DIP2B: variants seen among roughly 807,000 people sequenced by gnomAD.
DIP2B encodes the protein DIP2 acetate--CoA ligase B (putative).
DIP2B carries 76 observed loss-of-function variants against 198.0 expected under a neutral mutation model. The ratio of observed to expected loss-of-function variants is 0.38; its 90% CI spans 0.32 to 0.46. DIP2B has a LOEUF of 0.46. DIP2B is among the 20% of genes least tolerant of loss of function. The pLI, the probability that DIP2B is intolerant of heterozygous loss-of-function variation, is 0.99. For missense variants in DIP2B, 1,559 were observed against 1,978.4 expected, an observed-to-expected ratio of 0.79 and a Z score of 4.02; for synonymous variants, 701 against 739.1, an observed-to-expected ratio of 0.95 and a Z score of 0.84.
chr12:50,646,978 A>C (rs1938361443), intron 3 of DIP2B, among the ~76,000 whole-genome samples: 1 of 145,168 alleles, frequency 6.9e-6, no homozygotes, highest in Admixed American at 7.4e-5. Context: ...TTTTGAGAAA[A>C]ATGTTAGATT....
chr12:50,681,538 G>A (rs527425319), intron 9 of DIP2B, among the ~76,000 whole-genome samples: 1 of 152,168 alleles, frequency 6.6e-6, no homozygotes, highest in Non-Finnish European at 1.5e-5. Flanking sequence ...AAAACCGATT[G>A]ACAGAGTTTT....
intron 13 of DIP2B, among the ~76,000 whole-genome samples, chr12:50,692,005 C>T (rs1939230496): frequency 6.6e-6 from 1 of 151,976 alleles, no homozygotes; most frequent in African/African-American, 2.4e-5. Context: ...GCAGAGGTTG[C>T]AGTGAGCCGA....
In DIP2B at chr12:50,747,801, T is replaced by C. The variant is rs1409040281; in HGVS notation, c.*2962T>C. 6.6e-6 allele frequency: 1 copy of C among 152,236 alleles called. No homozygotes were observed. The highest frequency in any genetic ancestry group is 2.4e-5 in the African/African-American group (1 of 41,450). 9.4% of individuals were successfully genotyped at this position (152,236 alleles called of 1,614,324 possible). Reference sequence around the variant, plus strand: ...TGGTCTGAAGGTTTCTGAACCTCTTTCTGGTTCTCAGCAGAAGTAACTGAA... The same window carrying C: ...TGGTCTGAAGGTTTCTGAACCTCTTCCTGGTTCTCAGCAGAAGTAACTGAA... On this transcript the variant is annotated 3_prime_UTR_variant, in exon 38 of 38. Coordinates refer to ENST00000301180, the MANE Select transcript of DIP2B (RefSeq NM_173602.3).
chr12:50,634,816 A>G (rs761655236), intron 2 of DIP2B, among the ~76,000 whole-genome samples: 3 of 152,174 alleles, frequency 2.0e-5, no homozygotes, highest in Non-Finnish European at 2.9e-5. Context: ...TAGATGTTCT[A>G]TAAATGTTTG....
chr12:50,621,481 A>G (rs945646908), intron 1 of DIP2B, among the ~76,000 whole-genome samples: 4 of 152,110 alleles, frequency 2.6e-5, no homozygotes, highest in Admixed American at 1.3e-4. Flanking sequence ...TTGATTTATT[A>G]TTCTCTCACT....
intron 1 of DIP2B, among the ~76,000 whole-genome samples, chr12:50,623,217 T>C (rs992663582): frequency 1.3e-5 from 2 of 151,350 alleles, no homozygotes; most frequent in Admixed American, 1.3e-4. Context: ...GATTCTGTCT[T>C]GAGAAAAAAT....
At chr12:50,650,399 A>G (rs2139499536) in intron 3 of DIP2B, among the ~76,000 whole-genome samples, 1 of 152,316 alleles carries the variant, frequency 6.6e-6, no homozygotes, top group Non-Finnish European at 1.5e-5. Context: ...TACGCATGTT[A>G]TTGTACAGTA....
At chr12:50,574,298 C>T (rs1244200771) in intron 1 of DIP2B, among the ~76,000 whole-genome samples, 1 of 152,208 alleles carries the variant, frequency 6.6e-6, no homozygotes, top group East Asian at 1.9e-4. Context: ...CACCTCTCTT[C>T]TCCACACGGG....
chr12:50,656,212 A>C (rs73091800), intron 3 of DIP2B, among the ~76,000 whole-genome samples: 1 of 152,282 alleles, frequency 6.6e-6, no homozygotes, highest in Non-Finnish European at 1.5e-5. Context: ...ATCCACCAAA[A>C]GGGCTTAGAA....
chr12:50,683,036 T>G, intron 9 of DIP2B, 102 bp from the exon 10 acceptor site: 3 of 997,316 alleles, frequency 3.0e-6, no homozygotes, highest in Non-Finnish European at 4.4e-6. Context: ...AATAGTTTGA[T>G]TTATTGTGTT....
intron 10 of DIP2B, among the ~76,000 whole-genome samples, chr12:50,685,445 A>T (rs1276629228): frequency 6.6e-6 from 1 of 152,102 alleles, no homozygotes; most frequent in East Asian, 1.9e-4. Context: ...TACATTATTT[A>T]TTTTGTTCAT....
At chr12:50,643,515 A>T (rs1265387908) in intron 3 of DIP2B, among the ~76,000 whole-genome samples, 1 of 151,802 alleles carries the variant, frequency 6.6e-6, no homozygotes, top group Non-Finnish European at 1.5e-5. Context: ...AAAGTGATTT[A>T]AAAACCCTGA....
At chr12:50,623,535 A>G (rs1056147944) in intron 1 of DIP2B, among the ~76,000 whole-genome samples, 13 of 151,596 alleles carry the variant, frequency 8.6e-5, no homozygotes, top group African/African-American at 3.2e-4. Context: ...ACACGCACAC[A>G]CACACACACA....
intron 1 of DIP2B, among the ~76,000 whole-genome samples, chr12:50,510,421 C>A (rs1958003920): frequency 6.6e-6 from 1 of 152,092 alleles, no homozygotes; most frequent in Non-Finnish European, 1.5e-5. Context: ...TTAGCTCAGC[C>A]CTTGGTTACA....
chr12:50,542,768 T>C (rs977313874), intron 1 of DIP2B, among the ~76,000 whole-genome samples: 2 of 152,248 alleles, frequency 1.3e-5, no homozygotes, highest in African/African-American at 4.8e-5. Flanking sequence ...CTCGTTATGA[T>C]TAAACTGTTT....
intron 1 of DIP2B, among the ~76,000 whole-genome samples, chr12:50,538,534 C>G (rs1157000658): frequency 6.6e-6 from 1 of 152,100 alleles, no homozygotes; most frequent in Non-Finnish European, 1.5e-5. Context: ...GTGTAACTTT[C>G]AGTAATATGT....
At chr12:50,548,011 G>A (rs1013299395) in intron 1 of DIP2B, among the ~76,000 whole-genome samples, 1 of 152,196 alleles carries the variant, frequency 6.6e-6, no homozygotes, top group Non-Finnish European at 1.5e-5. Flanking sequence ...CAAGGCTGCT[G>A]TGGGCTAGGA....
intron 3 of DIP2B, among the ~76,000 whole-genome samples, chr12:50,651,196 C>G (rs1245410135): frequency 1.3e-5 from 2 of 152,060 alleles, no homozygotes; most frequent in Non-Finnish European, 2.9e-5. Flanking sequence ...TTTTTTGTTA[C>G]TGGGTTATAG....
Position 50,714,538 on chromosome 12 carries a change from C to A in DIP2B, c.2793C>A (p.Ile931=). 1 of 1,614,140 alleles carries A rather than the reference C, an allele frequency of 6.2e-7. No homozygotes were observed. The highest frequency in any genetic ancestry group is 8.5e-7 in the Non-Finnish European group (1 of 1,180,026). Residue 931 remains isoleucine, a synonymous_variant, in exon 23 of 38, where the codon ATC becomes ATA. Coordinates refer to ENST00000301180, the MANE Select transcript of DIP2B (RefSeq NM_173602.3). ...AGGGATCACTGCATCCTTGCAACAT[C>A]CTCATGTGCCCCCATACATGTGTGA... ...FLEGSLHPCN[I]LMCPHTCVTN...
Sources: allele counts gnomAD v4.1 joint callset (sites outside exome capture counted in the v4.1 genomes callset), GRCh38; gene constraint gnomAD v4.1.1; transcripts MANE v1.5; gene names NCBI Gene and HGNC (gene_info 2026-07-23, HGNC 2026-07-21).